PFKFB3: variants seen among roughly 807,000 people sequenced by gnomAD.
PFKFB3 encodes the protein 6-phosphofructo-2-kinase/fructose-2,6-biphosphatase 3, also known as 6-phosphofructo-2-kinase/fructose-2,6-bisphosphatase 3.
A neutral mutation model predicts 68.0 loss-of-function variants in PFKFB3; 33 were observed. That is an observed-to-expected ratio of 0.49 (90% CI 0.37 to 0.65). The LOEUF is 0.65. Ranked by LOEUF, PFKFB3 falls within the 30% of genes least tolerant of loss-of-function variation. The probability of loss-of-function intolerance (pLI) is 0.00; values close to 1 mark genes in which losing one functional copy is unlikely to be tolerated. For synonymous variants in PFKFB3, 315 were observed against 288.2 expected (o/e 1.09, Z -0.94); for missense variants, 586 against 712.2 (o/e 0.82, Z 2.02).
the PFKFB3 span, among the ~76,000 whole-genome samples, chr10:6,292,760 G>A: frequency 1.3e-5 from 2 of 152,138 alleles, no homozygotes; most frequent in African/African-American, 4.8e-5. Flanking sequence ...TAGGAGAAAG[G>A]TGACTGGTTC....
downstream of PFKFB3, among the ~76,000 whole-genome samples, chr10:6,237,125 C>T (rs942576583): frequency 8.5e-5 from 13 of 152,254 alleles, no homozygotes; most frequent in Non-Finnish European, 1.5e-4. Context: ...CCCAGCTATC[C>T]GGGGTTCTCC....
chr10:6,228,379 T>C lies in PFKFB3; in HGVS notation c.1515+2014T>C, dbSNP rs1315966007. 1.3e-6 allele frequency: 1 copy of C among 779,572 alleles called. No individual in the cohort carries two copies. Among genetic ancestry groups the C allele is most frequent in the Non-Finnish European group, 2.2e-6 (1 of 456,262 alleles). The allele number at this position is 779,572 out of a possible 1,614,324, so 48.3% of individuals were successfully genotyped here. Reference sequence around the variant, plus strand: ...GGGCGTAGGAGTAGGGAGGAGAGATTCCTGAATGTTTTTGGAAAAGCGTGC... The same window carrying C: ...GGGCGTAGGAGTAGGGAGGAGAGATCCCTGAATGTTTTTGGAAAAGCGTGC... On this transcript the variant is annotated intron_variant, in intron 14 of 14. Transcript: ENST00000379775. The surrounding 1 kb of genome is among the most constrained non-coding windows in gnomAD (Gnocchi z 4.5).
chr10:6,186,640 T>C (rs147029766), intron 1 of PFKFB3, among the ~76,000 whole-genome samples: 18 of 152,292 alleles, frequency 1.2e-4, no homozygotes, highest in African/African-American at 4.3e-4. Flanking sequence ...CTGCAAAGTG[T>C]AGTATCTTTT....
In PFKFB3 at chr10:6,228,304, G is replaced by A; in HGVS notation, c.1515+1939G>A. 2 of 1,478,052 alleles carry A rather than the reference G, an allele frequency of 1.4e-6. No homozygotes were observed. The highest frequency in any genetic ancestry group is 1.9e-6 in the Non-Finnish European group (2 of 1,058,322). 91.6% of individuals were successfully genotyped at this position (1,478,052 alleles called of 1,614,324 possible). ...GCCTCCTGCCTGTTAAAATATTGAGGATGAGAGCAGTTTTGTGATGTGAGG... is the reference window on the plus strand; with the variant it reads ...GCCTCCTGCCTGTTAAAATATTGAGAATGAGAGCAGTTTTGTGATGTGAGG... On this transcript the variant is annotated intron_variant, in intron 14 of 14. Transcript: ENST00000379775. The surrounding 1 kb of genome is among the most constrained non-coding windows in gnomAD (Gnocchi z 4.5).
At chr10:6,259,184 T>TATCCATCCATCCATCC (rs199968075), downstream of PFKFB3, among the ~76,000 whole-genome samples, 1 of 138,442 alleles carries the variant, frequency 7.2e-6, no homozygotes, top group African/African-American at 2.7e-5. Flanking sequence ...CCCATCCATC[T>TATCCATCCATCCATCC]ATCCATCCAT....
chr10:6,263,093 C>T, the PFKFB3 span, among the ~76,000 whole-genome samples: 8 of 152,160 alleles, frequency 5.3e-5, no homozygotes, highest in South Asian at 2.1e-4. Flanking sequence ...CCTTCAGAGC[C>T]GAGAGCCCCG....
chr10:6,222,662 C>A (rs1000986448), intron 10 of PFKFB3, 193 bp from the exon 11 acceptor site: 1 of 492,084 alleles, frequency 2.0e-6, no homozygotes, highest in Non-Finnish European at 3.4e-6. Flanking sequence ...CGTGTGGGAG[C>A]GGAGTGGGGA....
In PFKFB3 at chr10:6,154,549, G is replaced by A. The variant is rs1462914555; in HGVS notation, c.16+9536G>A. Among the ~76,000 whole-genome samples, 1 of 152,046 alleles carries A rather than the reference G, an allele frequency of 6.6e-6. No individual in the cohort carries two copies. Among genetic ancestry groups the A allele is most frequent in the African/African-American group, 2.4e-5 (1 of 41,398 alleles). ...AGGCGCGAGCCACCGCGCCTGGTGG[G>A]CTGAATTAACGTGACACCATAAAAC... On this transcript the variant is annotated intron_variant, in intron 1 of 14. Transcript: ENST00000379789. The surrounding 1 kb of genome is among the most constrained non-coding windows in gnomAD (Gnocchi z 4.6).
chr10:6,162,468 G>A (rs529810055), intron 1 of PFKFB3, among the ~76,000 whole-genome samples: 3 of 152,282 alleles, frequency 2.0e-5, no homozygotes, highest in African/African-American at 7.2e-5. Flanking sequence ...ACTTATCAGA[G>A]TGTCCGTAAA....
At chr10:6,213,556 G>T in intron 1 of PFKFB3, 67 bp from the exon 2 acceptor site, 2 of 1,543,516 alleles carry the variant, frequency 1.3e-6, no homozygotes, top group Non-Finnish European at 8.8e-7. Context: ...TTATTGTTGG[G>T]TGTGGCCTCT....
At chr10:6,177,472 CT>C (rs1842553307) in intron 1 of PFKFB3, among the ~76,000 whole-genome samples, 1 of 123,594 alleles carries the variant, frequency 8.1e-6, no homozygotes, top group Non-Finnish European at 1.8e-5. Context: ...TTCTTTCTTT[CT>C]TTCTTTCTTT....
At chr10:6,306,789 T>G in the PFKFB3 span, among the ~76,000 whole-genome samples, 1 of 152,170 alleles carries the variant, frequency 6.6e-6, no homozygotes, top group Non-Finnish European at 1.5e-5. Flanking sequence ...CTCATGTCTC[T>G]TTCATGAGGC....
upstream of PFKFB3, among the ~76,000 whole-genome samples, chr10:6,200,479 T>C (rs1470269140): frequency 1.3e-5 from 2 of 151,616 alleles, no homozygotes; most frequent in African/African-American, 4.9e-5. Flanking sequence ...ACAGTTGCAG[T>C]TGGGTTGTTT....
intron 1 of PFKFB3, among the ~76,000 whole-genome samples, chr10:6,172,980 C>T (rs534885581): frequency 1.8e-4 from 27 of 152,300 alleles, no homozygotes; most frequent in African/African-American, 5.3e-4. Context: ...GTTAGGCCAG[C>T]GTCCACTGCA....
the PFKFB3 span, among the ~76,000 whole-genome samples, chr10:6,266,992 G>T: frequency 5.3e-5 from 8 of 152,168 alleles, no homozygotes; most frequent in African/African-American, 1.9e-4. Context: ...GAATTTAGAG[G>T]TGCTAAATTA....
the PFKFB3 span, among the ~76,000 whole-genome samples, chr10:6,264,976 A>G: frequency 3.3e-5 from 5 of 152,144 alleles, no homozygotes; most frequent in Non-Finnish European, 7.3e-5. Context: ...TGTCCTTTCT[A>G]GCATTGTTTC....
At chr10:6,285,165 A>G in the PFKFB3 span, among the ~76,000 whole-genome samples, 1 of 151,880 alleles carries the variant, frequency 6.6e-6, no homozygotes, top group Non-Finnish European at 1.5e-5. Context: ...ATGCCAAACT[A>G]TTCCACAGCA....
chr10:6,216,262 G>A, intron 4 of PFKFB3, 71 bp downstream of exon 4: 2 of 1,403,336 alleles, frequency 1.4e-6, no homozygotes, highest in Non-Finnish European at 2.0e-6. Context: ...GGCCTGGGGT[G>A]TACCGAGACC....
chr10:6,260,413 CAAAAAAAA>C, the PFKFB3 span, among the ~76,000 whole-genome samples: 1 of 86,946 alleles, frequency 1.2e-5, no homozygotes, highest in African/African-American at 4.1e-5. Flanking sequence ...GACTCCGTCT[CAAAAAAAA>C]AAAAAAAAAA....
Sources: gnomAD v4.1 joint callset for allele counts (sites outside exome capture counted in the v4.1 genomes callset) on GRCh38, gnomAD v4.1.1 for gene constraint, Gnocchi (gnomAD v3.1) non-coding constraint, MANE v1.5 for transcripts, NCBI Gene and HGNC (gene_info 2026-07-23, HGNC 2026-07-21) for gene names.